Variants in COL11A2 observed in about 807,000 individuals in gnomAD.
The protein encoded by COL11A2 is collagen type XI alpha 2 chain.
COL11A2 carries 116 observed loss-of-function variants against 273.4 expected under a neutral mutation model. The observed-to-expected ratio is 0.42, with a 90% confidence interval of 0.36 to 0.49. COL11A2 has a LOEUF of 0.49. COL11A2 is among the 20% of genes least tolerant of loss of function. The probability of loss-of-function intolerance (pLI) is 0.00; values close to 1 mark genes in which losing one functional copy is unlikely to be tolerated. For synonymous variants in COL11A2, 782 were observed against 864.2 expected (o/e 0.90, Z 1.67); for missense variants, 1,866 against 2,309.0 (o/e 0.81, Z 3.93).
At position 33,178,143 on chromosome 6, in the gene COL11A2, G is replaced by T. The variant is rs121912952; in HGVS notation, c.1861C>A (p.Pro621Thr). ...LLGPKGPPGIPGPPGVRGMDG... is the reference protein window; with the variant it reads ...LLGPKGPPGITGPPGVRGMDG... ...AGGGAGTCACTTACAGGGGGTCCAG[G>T]AATACCAGGTGGGCCTTTGGGGCCA... is the stretch of plus-strand genomic sequence containing the variant. The change falls in exon 21 of 66, where the codon CCT (proline) becomes ACT (threonine). Residue 621 changes from proline (P) to threonine (T), a missense_variant. Physicochemically the swap from Pro to Thr is conservative, Grantham distance 38 (BLOSUM62 -1). Coordinates refer to ENST00000341947, the MANE Select transcript of COL11A2 (RefSeq NM_080680.3). This position sits in a 1 kb window ranked among gnomAD's most constrained non-coding sequence, Gnocchi z 4.6. The T allele has an allele frequency of 8.9e-5, 143 of 1,609,686 alleles. 1 individual carries two copies. The highest frequency in any genetic ancestry group is 6.6e-4 in the Middle Eastern group (4 of 6,062).
At chr6:33,182,492 A>G (rs935711174) in intron 8 of COL11A2, among the ~76,000 whole-genome samples, 6 of 152,030 alleles carry the variant, frequency 3.9e-5, no homozygotes, top group African/African-American at 1.4e-4. Context: ...CAGGCAGCTT[A>G]TTTGAGGTCA....
rs1249234801 is a variant in COL11A2 at position 33,167,073 on chromosome 6, C to G, written c.4227G>C (p.Glu1409Asp). 1.9e-6 allele frequency: 3 copies of G among 1,613,768 alleles called. No homozygotes were observed. The Admixed American group carries it at 5.0e-5, about 27-fold the overall frequency. The change falls in exon 58 of 66, where the codon GAG becomes GAC. Residue 1409 changes from glutamate (E) to aspartate (D), a missense_variant. Physicochemically the swap from Glu to Asp is conservative, Grantham distance 45. Coordinates refer to ENST00000341947, the MANE Select transcript of COL11A2 (RefSeq NM_080680.3). The surrounding 1 kb of genome is among the most constrained non-coding windows in gnomAD (Gnocchi z 6.1). ...GLRGDAGAKG[E>D]KGHPGLIGLI... ...CACGTGTCTGTCTGTCACTCACCTT[C>G]TCTCCCTTGGCTCCAGCATCGCCCC... is the stretch of plus-strand genomic sequence containing the variant.
chr6:33,180,964 C>A lies in COL11A2; in HGVS notation c.1221G>T (p.Ala407=). ...GCCACCAGGTCACTGCTAGACTTAC[C>A]GCAGGGCCTTCTGGGCCAGGGGGCC... ...VEGPPGPEGP[A]GLIGPPGIQG... is the part of the protein sequence containing the mutation. Residue 407 remains alanine (A), a splice_region_variant and synonymous_variant, in exon 10 of 66, where the codon GCG becomes GCT. Coordinates refer to ENST00000341947, the MANE Select transcript of COL11A2 (RefSeq NM_080680.3). 6.2e-7 allele frequency: 1 copy of A among 1,613,768 alleles called. No homozygotes were observed. Among genetic ancestry groups the A allele is most frequent in the Non-Finnish European group, 8.5e-7 (1 of 1,179,876 alleles).
chr6:33,176,700 T>A lies in COL11A2; in HGVS notation c.2115+21A>T. 1 of 1,611,218 alleles carries A rather than the reference T, an allele frequency of 6.2e-7. No homozygotes were observed. Among genetic ancestry groups the A allele is most frequent in the Non-Finnish European group, 8.5e-7 (1 of 1,178,368 alleles). ...TCTGAGTGGAGACTCCCTCAGGGGA[T>A]AAAGACATGGAAGATCTCACCTGGT... On this transcript the variant is annotated intron_variant, in intron 26 of 65. Transcript: ENST00000341947. The surrounding 1 kb of genome is among the most constrained non-coding windows in gnomAD (Gnocchi z 4.9).
In COL11A2 at chr6:33,166,399, G is replaced by A; in HGVS notation, c.4392+114C>T. On this transcript the variant is annotated intron_variant, in intron 60 of 65. Transcript: ENST00000341947. This position sits in a 1 kb window ranked among gnomAD's most constrained non-coding sequence, Gnocchi z 4.8. The stretch of plus-strand genomic sequence containing the variant: ...ACTGGTGGTGACAGGACAAATGGGG[G>A]ACCCTGAGGACTATGCTTGTTAGGC... 3 of 1,348,064 alleles carry A rather than the reference G, an allele frequency of 2.2e-6. No homozygotes were observed. The highest frequency in any genetic ancestry group is 3.1e-6 in the Non-Finnish European group (3 of 970,396). 83.5% of individuals were successfully genotyped at this position (1,348,064 alleles called of 1,614,324 possible). A position where few individuals can be genotyped will look rare whatever the true frequency, so the allele number is the denominator to read the frequency against.
chr6:33,177,976 T>C lies in COL11A2; in HGVS notation c.1872+156A>G. 3 of 879,806 alleles carry C rather than the reference T, an allele frequency of 3.4e-6. No individual in the cohort carries two copies. Among genetic ancestry groups the C allele is most frequent in the Non-Finnish European group, 5.3e-6 (3 of 561,404 alleles). The allele number at this position is 879,806 out of a possible 1,614,324, so 54.5% of individuals were successfully genotyped here. A position where few individuals can be genotyped will look rare whatever the true frequency, so the allele number is the denominator to read the frequency against. ...GCCCTCCCTGTGCACGGGGAGCGAA[T>C]GCTGAGGCAGGGCAGTGTGGGGCCA... is the stretch of plus-strand genomic sequence containing the variant. On this transcript the variant is annotated intron_variant, in intron 21 of 65. Coordinates refer to ENST00000341947, the MANE Select transcript of COL11A2 (RefSeq NM_080680.3). This position sits in a 1 kb window ranked among gnomAD's most constrained non-coding sequence, Gnocchi z 5.9.
rs751465004 is a variant in COL11A2, at chr6:33,171,154, G to T, written c.3326C>A (p.Pro1109His). 133 of 1,602,330 alleles carry T rather than the reference G, an allele frequency of 8.3e-5. No homozygotes were observed. The highest frequency in any genetic ancestry group is 1.1e-4 in the Non-Finnish European group (130 of 1,173,838). Residue 1109 changes from proline to histidine, a missense_variant, in exon 45 of 66, where the codon CCC becomes CAC. Pro to His is a moderately conservative substitution (Grantham distance 77, BLOSUM62 -2). Transcript: ENST00000341947. ...GNKGEHGPPGPPGPIGPVGQP... is the reference protein window; with the variant it reads ...GNKGEHGPPGHPGPIGPVGQP... ...CCCCACAGGACCAATGGGTCCAGGGGGTCCAGGAGGGCCCTGGGTAAGAGA... is the reference window on the plus strand; with the variant it reads ...CCCCACAGGACCAATGGGTCCAGGGTGTCCAGGAGGGCCCTGGGTAAGAGA...
Position 33,186,657 on chromosome 6 carries a change from G to A in COL11A2, c.768C>T (p.His256=), listed in dbSNP as rs2150612616. ...TCTGGGGTTCCTGATTTTGTGGCCT[G>A]TGAAGTCTTGATGGTTGCTGCTGTG... ...RSPQQQPSRL[H]RPQNQEPQSQ... is the part of the protein sequence containing the mutation. Residue 256 remains histidine, a synonymous_variant, in exon 5 of 66, where the codon CAC becomes CAT. Transcript: ENST00000341947. 1 of 1,614,120 alleles carries A rather than the reference G, an allele frequency of 6.2e-7. No individual in the cohort carries two copies. Among genetic ancestry groups the A allele is most frequent in the Non-Finnish European group, 8.5e-7 (1 of 1,180,022 alleles).
Position 33,172,555 on chromosome 6 carries a change from C to T in COL11A2, c.2873G>A (p.Gly958Glu). Residue 958 changes from glycine to glutamate, a missense_variant, in exon 39 of 66, where the codon GGG becomes GAG. Gly to Glu is a moderately conservative substitution (Grantham distance 98, BLOSUM62 -2). Coordinates refer to ENST00000341947, the MANE Select transcript of COL11A2 (RefSeq NM_080680.3). ...PGPPGEQGLP[G>E]TAGKEGTKGD... is the part of the protein sequence containing the mutation. The stretch of plus-strand genomic sequence containing the variant: ...CTTTGTTCCTTCTTTTCCAGCTGTC[C>T]CAGGTAGTCCCTGCTCTCCAGGGGG... The T allele has an allele frequency of 6.2e-7, 1 of 1,612,690 alleles. No homozygotes were observed. The highest frequency in any genetic ancestry group is 1.1e-5 in the South Asian group (1 of 91,058).
rs1318217195 is a variant in COL11A2 at position 33,167,336 on chromosome 6, C to T, written c.4123-19G>A. On this transcript the variant is annotated intron_variant, in intron 56 of 65. Coordinates refer to ENST00000341947, the MANE Select transcript of COL11A2 (RefSeq NM_080680.3). The surrounding 1 kb of genome is among the most constrained non-coding windows in gnomAD (Gnocchi z 6.1). ...GCTGACCCTGAAGATTTGAGGGGGC[C>T]ACAGGGGTCAGGAGGAGCATCCCCA... 6.2e-7 allele frequency: 1 copy of T among 1,613,332 alleles called. No individual in the cohort carries two copies. Among genetic ancestry groups the T allele is most frequent in the Non-Finnish European group, 8.5e-7 (1 of 1,179,982 alleles).
Position 33,185,793 on chromosome 6 carries a change from TG to T in COL11A2, c.799-16del. 1.5e-6 allele frequency: 1 copy of T among 661,746 alleles called. No individual in the cohort carries two copies. The highest frequency in any genetic ancestry group is 2.0e-6 in the Non-Finnish European group (1 of 489,322). The allele number at this position is 661,746 out of a possible 1,614,324, so 41.0% of individuals were successfully genotyped here. On this transcript the variant is annotated splice_polypyrimidine_tract_variant and intron_variant, in intron 5 of 65. Coordinates refer to ENST00000341947, the MANE Select transcript of COL11A2 (RefSeq NM_080680.3). Reference sequence around the variant, plus strand: ...GACTCAGTGGGCTGGGATTGGGGGGTGGGCATAGACAGGAAGGGGATGGGGT... The same window carrying T: ...GACTCAGTGGGCTGGGATTGGGGGGTGGCATAGACAGGAAGGGGATGGGGT...
rs1768928947 is a variant in COL11A2 at position 33,165,137 on chromosome 6, CA to C, written c.4751-174del. Among the ~76,000 whole-genome samples, 4 of 152,218 alleles carry C rather than the reference CA, an allele frequency of 2.6e-5. No homozygotes were observed. Among genetic ancestry groups the C allele is most frequent in the African/African-American group, 9.6e-5 (4 of 41,534 alleles). On this transcript the variant is annotated intron_variant, in intron 63 of 65. Transcript: ENST00000341947. The surrounding 1 kb of genome is among the most constrained non-coding windows in gnomAD (Gnocchi z 7.7). ...GCCCTACTGCTGGATTCTACTGCAGCATCCTACTGCTGCAGCCCACTTTCAT... is the reference window on the plus strand; with the variant it reads ...GCCCTACTGCTGGATTCTACTGCAGCTCCTACTGCTGCAGCCCACTTTCAT...
In COL11A2 at chr6:33,163,941, C is replaced by T. The variant is rs1236165626; in HGVS notation, c.5071-123G>A. ...CCCCATCAGGGTGACTCAGGATGTA[C>T]AGACTGGCAGTGTCTATGTGCCCAT... On this transcript the variant is annotated intron_variant, in intron 65 of 65. Coordinates refer to ENST00000341947, the MANE Select transcript of COL11A2 (RefSeq NM_080680.3). The surrounding 1 kb of genome is among the most constrained non-coding windows in gnomAD (Gnocchi z 4.1). 8 of 1,427,128 alleles carry T rather than the reference C, an allele frequency of 5.6e-6. No individual in the cohort carries two copies. The highest frequency in any genetic ancestry group is 1.4e-5 in the African/African-American group (1 of 70,864). The allele number at this position is 1,427,128 out of a possible 1,614,324, so 88.4% of individuals were successfully genotyped here.
chr6:33,166,451 G>A lies in COL11A2; in HGVS notation c.4392+62C>T. 1.5e-5 allele frequency: 23 copies of A among 1,566,024 alleles called. No homozygotes were observed. Among genetic ancestry groups the A allele is most frequent in the Non-Finnish European group, 2.0e-5 (23 of 1,145,198 alleles). ...GGTAGTTCCATGGAAGTCGTTGGGA[G>A]GCTGTGGGTGGGCAGCAGAGGGGTT... On this transcript the variant is annotated intron_variant, in intron 60 of 65. Coordinates refer to ENST00000341947, the MANE Select transcript of COL11A2 (RefSeq NM_080680.3). The surrounding 1 kb of genome is among the most constrained non-coding windows in gnomAD (Gnocchi z 4.8).
chr6:33,171,039 G>T (rs1313858184), intron 45 of COL11A2, 75 bp downstream of exon 45: 16 of 1,577,694 alleles, frequency 1.0e-5, no homozygotes, highest in Non-Finnish European at 1.1e-5. Flanking sequence ...CCCACTCCCA[G>T]CCACAAGGGC....
rs1233734572 is a variant in COL11A2, at chr6:33,185,031, TTCC to T, written c.897_899del (p.Glu301del). ...GCAAGAGGCTCGACTCCAGGATTTC[TTCC>T]TCTTCACCTGGGGTGGGGTCCTGAC... On this transcript the variant is annotated inframe_deletion, in exon 7 of 66. Transcript: ENST00000341947. 5.2e-6 allele frequency: 8 copies of T among 1,551,304 alleles called. No homozygotes were observed. The East Asian group carries it at 2.0e-4, about 38-fold the overall frequency.
Position 33,176,603 on chromosome 6 carries a change from A to G in COL11A2, c.2116-117T>C. On this transcript the variant is annotated intron_variant, in intron 26 of 65. Coordinates refer to ENST00000341947, the MANE Select transcript of COL11A2 (RefSeq NM_080680.3). The surrounding 1 kb of genome is among the most constrained non-coding windows in gnomAD (Gnocchi z 4.9). ...CTGTCTGGGTAGGGTTACGGGGCACAGGAATTGAGAATGTGGCAGAGCCAT... is the reference window on the plus strand; with the variant it reads ...CTGTCTGGGTAGGGTTACGGGGCACGGGAATTGAGAATGTGGCAGAGCCAT... 7.2e-7 allele frequency: 1 copy of G among 1,384,052 alleles called. No individual in the cohort carries two copies. Among genetic ancestry groups the G allele is most frequent in the Non-Finnish European group, 1.0e-6 (1 of 982,156 alleles). 85.7% of individuals were successfully genotyped at this position (1,384,052 alleles called of 1,614,324 possible).
chr6:33,192,928 G>A (rs1482697505), upstream of COL11A2, among the ~76,000 whole-genome samples: 5 of 152,138 alleles, frequency 3.3e-5, no homozygotes, highest in Non-Finnish European at 5.9e-5. Flanking sequence ...CGGGGCGGGG[G>A]TATTTATAGA....
chr6:33,184,849 C>T, intron 7 of COL11A2, 143 bp downstream of exon 7: 1 of 716,990 alleles, frequency 1.4e-6, no homozygotes. Context: ...TAGAGTGACC[C>T]AAAGACAGAG....
Sources: allele counts gnomAD v4.1 joint callset (sites outside exome capture counted in the v4.1 genomes callset), GRCh38; gene constraint gnomAD v4.1.1; non-coding constraint Gnocchi (gnomAD v3.1); transcripts MANE v1.5; gene names NCBI Gene and HGNC (gene_info 2026-07-23, HGNC 2026-07-21).